COL9A3: variants seen among roughly 807,000 people sequenced by gnomAD.
The protein encoded by COL9A3 is collagen alpha-3(IX) chain.
Under a neutral mutation model 110.2 loss-of-function variants are expected in COL9A3, and 82 were observed. The ratio of observed to expected loss-of-function variants is 0.74; its 90% confidence interval spans 0.62 to 0.89. The LOEUF (loss-of-function observed/expected upper bound fraction) is 0.89, where lower values mean the gene tolerates loss of function less well. COL9A3 is among the 40% of genes least tolerant of loss of function. The pLI is 0.00. For missense variants in COL9A3, 1,066 were observed against 981.3 expected, an observed-to-expected ratio of 1.09 and a Z score of -1.15; for synonymous variants, 494 against 403.8, an observed-to-expected ratio of 1.22 and a Z score of -2.68.
intron 26 of COL9A3, 126 bp from the exon 27 acceptor site, chr20:62,835,795 T>C (rs2063630181): frequency 1.1e-6 from 1 of 939,048 alleles, no homozygotes. Flanking sequence ...AAGGAACCAC[T>C]GTCAATATTT....
At position 62,836,518 on chromosome 20, in the gene COL9A3, G is replaced by T. The variant is rs753874454; in HGVS notation, c.1589G>T (p.Gly530Val). ...ASEQRIRELC[G>V]GMISEQIAQL... is the part of the protein sequence containing the mutation. Reference sequence around the variant, plus strand: ...GAGCAGCGCATCAGGGAGCTGTGTGGGGGGATGATCAGCGGTAAGTCAGCC... The same window carrying T: ...GAGCAGCGCATCAGGGAGCTGTGTGTGGGGATGATCAGCGGTAAGTCAGCC... The change falls in exon 29 of 32, where the codon GGG (glycine) becomes GTG (valine). Residue 530 changes from glycine to valine, a missense_variant. Gly to Val is a moderately radical substitution (Grantham distance 109). Transcript: ENST00000649368. 1 of 1,612,394 alleles carries T rather than the reference G, an allele frequency of 6.2e-7. No homozygotes were observed. Among genetic ancestry groups the T allele is most frequent in the Non-Finnish European group, 8.5e-7 (1 of 1,179,308 alleles).
In COL9A3 at chr20:62,838,777, C is replaced by T; in HGVS notation, c.1864+16C>T. ...GGGCCCCAAGGTACGAGTCCACGGC[C>T]AGCAAGGCTTCACTGGGTGACATCT... On this transcript the variant is annotated intron_variant, in intron 31 of 31. Transcript: ENST00000649368. 6.5e-7 allele frequency: 1 copy of T among 1,548,920 alleles called. No individual in the cohort carries two copies. The highest frequency in any genetic ancestry group is 8.7e-7 in the Non-Finnish European group (1 of 1,144,760).
In COL9A3 at chr20:62,825,086, AGGGGCTGGGCTCCGGCGG is replaced by A. The variant is rs1568753330; in HGVS notation, c.630+67_630+84del. 135 of 630,684 alleles carry A rather than the reference AGGGGCTGGGCTCCGGCGG, an allele frequency of 2.1e-4. 12 individuals carry two copies. In the African/African-American group the frequency reaches 2.3e-3, roughly 11 times the overall value. 39.1% of individuals were successfully genotyped at this position (630,684 alleles called of 1,614,324 possible). A position where few individuals can be genotyped will look rare whatever the true frequency, so the allele number is the denominator to read the frequency against. Reference sequence around the variant, plus strand: ...TGGAGGCTGGGCTCCGGCGGGAGGGAGGGGCTGGGCTCCGGCGGGAGGGAGGGGCTGGGCTCCGGCGGG... The same window carrying A: ...TGGAGGCTGGGCTCCGGCGGGAGGGAGAGGGAGGGGCTGGGCTCCGGCGGG... On this transcript the variant is annotated intron_variant, in intron 12 of 31. Coordinates refer to ENST00000649368, the MANE Select transcript of COL9A3 (RefSeq NM_001853.4).
chr20:62,823,954 G>A (rs1215313184), intron 10 of COL9A3, among the ~76,000 whole-genome samples: 1 of 151,090 alleles, frequency 6.6e-6, no homozygotes, highest in African/African-American at 2.4e-5. Flanking sequence ...CTGTCCCAGT[G>A]CCATCACCTG....
chr20:62,829,686 G>A lies in COL9A3; in HGVS notation c.1107+5G>A. 6.2e-7 allele frequency: 1 copy of A among 1,607,900 alleles called. No homozygotes were observed. The highest frequency in any genetic ancestry group is 2.2e-5 in the East Asian group (1 of 44,644). On this transcript the variant is annotated splice_donor_5th_base_variant and intron_variant, in intron 21 of 31. Coordinates refer to ENST00000649368, the MANE Select transcript of COL9A3 (RefSeq NM_001853.4). ...TCTGGAGAGCCAGGCGTCCCTGTGA[G>A]TATCTGCGGCGCCCCAGACCCCTCC...
Position 62,840,645 on chromosome 20 carries a change from G to C in COL9A3, c.1968G>C (p.Gln656His). The part of the protein sequence containing the change: ...DPGLPGAIGA[Q>H]GTPGICDTSA... ...GGCTTCCAGGTGCCATTGGGGCCCA[G>C]GGGACACCGGGGATCTGCGACACCT... Residue 656 changes from glutamine to histidine, a missense_variant, in exon 32 of 32, where the codon CAG (glutamine) becomes CAC (histidine). Transcript: ENST00000649368. 1 of 1,609,990 alleles carries C rather than the reference G, an allele frequency of 6.2e-7. No homozygotes were observed. The highest frequency in any genetic ancestry group is 2.2e-5 in the East Asian group (1 of 44,706).
Position 62,829,664 on chromosome 20 carries a change from G to A in COL9A3, c.1090G>A (p.Gly364Arg). 6.2e-7 allele frequency: 1 copy of A among 1,609,518 alleles called. No homozygotes were observed. The part of the protein sequence containing the change: ...AGELGEAGPS[G>R]EPGVPGDAGM... ...GGAGCTGGGTGAGGCCGGCCCCTCTGGAGAGCCAGGCGTCCCTGTGAGTAT... is the reference window on the plus strand; with the variant it reads ...GGAGCTGGGTGAGGCCGGCCCCTCTAGAGAGCCAGGCGTCCCTGTGAGTAT... Residue 364 changes from glycine (G) to arginine (R), a missense_variant, in exon 21 of 32, where the codon GGA becomes AGA. Transcript: ENST00000649368.
chr20:62,826,364 G>A, intron 14 of COL9A3, 107 bp downstream of exon 14: 2 of 1,089,152 alleles, frequency 1.8e-6, no homozygotes, highest in East Asian at 2.6e-5. Flanking sequence ...GAAGCAGCCG[G>A]CACCCTGGCT....
At position 62,825,073 on chromosome 20, in the gene COL9A3, T is replaced by C; in HGVS notation, c.630+52T>C. On this transcript the variant is annotated intron_variant, in intron 12 of 31. Coordinates refer to ENST00000649368, the MANE Select transcript of COL9A3 (RefSeq NM_001853.4). ...AGGAGCTGGGGACTGGAGGCTGGGC[T>C]CCGGCGGGAGGGAGGGGCTGGGCTC... is the stretch of plus-strand genomic sequence containing the variant. 4 of 1,341,120 alleles carry C rather than the reference T, an allele frequency of 3.0e-6. No individual in the cohort carries two copies. In the South Asian group the frequency reaches 3.7e-5, roughly 12 times the overall value. 83.1% of individuals were successfully genotyped at this position (1,341,120 alleles called of 1,614,324 possible).
Position 62,826,276 on chromosome 20 carries a change from A to C in COL9A3, c.738+19A>C. ...GGACCGGGTAAGTCCTGCAGCCCCTAGTGGGGGCCGGCCAGGTGGCTGGGG... is the reference window on the plus strand; with the variant it reads ...GGACCGGGTAAGTCCTGCAGCCCCTCGTGGGGGCCGGCCAGGTGGCTGGGG... On this transcript the variant is annotated intron_variant, in intron 14 of 31. Coordinates refer to ENST00000649368, the MANE Select transcript of COL9A3 (RefSeq NM_001853.4). 1 of 1,546,652 alleles carries C rather than the reference A, an allele frequency of 6.5e-7. No individual in the cohort carries two copies. The highest frequency in any genetic ancestry group is 8.7e-7 in the Non-Finnish European group (1 of 1,146,574).
At position 62,838,681 on chromosome 20, in the gene COL9A3, C is replaced by T; in HGVS notation, c.1787-3C>T. 1 of 1,552,286 alleles carries T rather than the reference C, an allele frequency of 6.4e-7. No homozygotes were observed. The highest frequency in any genetic ancestry group is 8.7e-7 in the Non-Finnish European group (1 of 1,147,288). On this transcript the variant is annotated splice_polypyrimidine_tract_variant and splice_region_variant and intron_variant, in intron 30 of 31. Coordinates refer to ENST00000649368, the MANE Select transcript of COL9A3 (RefSeq NM_001853.4). ...ATATGTCTGTGTCCACACCTCGTGA[C>T]AGGAAACCAGGGTGACAGAGGAGAC...
intron 29 of COL9A3, 78 bp downstream of exon 29, chr20:62,836,610 C>A: frequency 1.4e-6 from 2 of 1,436,568 alleles, no homozygotes; most frequent in Non-Finnish European, 1.9e-6. Context: ...ACACAGAAAG[C>A]CTTCGTGCCA....
At chr20:62,832,977 A>T (rs372290223) in intron 25 of COL9A3, 43 bp from the exon 26 acceptor site, 1 of 1,587,930 alleles carries the variant, frequency 6.3e-7, no homozygotes, top group African/African-American at 1.3e-5. Flanking sequence ...GTCCCTACTC[A>T]TGCATGAACA....
chr20:62,822,474 C>T, intron 9 of COL9A3, 117 bp from the exon 10 acceptor site: 1 of 1,160,148 alleles, frequency 8.6e-7, no homozygotes. Context: ...TGAAGGGTCT[C>T]CAAGTCCCCT....
At position 62,838,148 on chromosome 20, in the gene COL9A3, G is replaced by C. The variant is rs151110706; in HGVS notation, c.1787-536G>C. 4.9e-3 allele frequency among the ~76,000 whole-genome samples: 742 copies of C among 152,366 alleles called. 5 individuals are homozygous for C. Among genetic ancestry groups the C allele is most frequent in the African/African-American group, 0.017 (714 of 41,588 alleles). On this transcript the variant is annotated intron_variant, in intron 30 of 31. Transcript: ENST00000649368. ...AACTAAAATCCCATTTAAATTGGCT[G>C]CCAGAGGTCAGGGAGGTGGTTCAGC...
At position 62,822,126 on chromosome 20, in the gene COL9A3, C is replaced by T; in HGVS notation, c.439C>T (p.Pro147Ser). 1.3e-6 allele frequency: 2 copies of T among 1,584,424 alleles called. No homozygotes were observed. Among genetic ancestry groups the T allele is most frequent in the East Asian group, 2.2e-5 (1 of 44,738 alleles). ...LRGPPGPSGLPGLPGPPGPPG... is the reference protein window; with the variant it reads ...LRGPPGPSGLSGLPGPPGPPG... ...CCCTCCCCAGGGACCTTCTGGACTC[C>T]CCGGCCTCCCTGGTCCCCCAGGACC... Residue 147 changes from proline to serine, a missense_variant, in exon 9 of 32, where the codon CCC becomes TCC. Pro to Ser is a moderately conservative substitution (Grantham distance 74, BLOSUM62 -1). Transcript: ENST00000649368.
chr20:62,833,027 C>T lies in COL9A3; in HGVS notation c.1331C>T (p.Ala444Val). 5 of 1,613,728 alleles carry T rather than the reference C, an allele frequency of 3.1e-6. No individual in the cohort carries two copies. Among genetic ancestry groups the T allele is most frequent in the Non-Finnish European group, 4.2e-6 (5 of 1,179,694 alleles). Residue 444 changes from alanine to valine, a missense_variant, in exon 26 of 32, where the codon GCA becomes GTA. Transcript: ENST00000649368. ...AAGPKGDQGI[A>V]GSDGLPGDKG... is the part of the protein sequence containing the mutation. ...GGGGTGTATCGTTTTCAGGGTATTG[C>T]AGGTTCCGACGGTCTTCCTGGGGAT...
In COL9A3 at chr20:62,817,094, C is replaced by T. The variant is rs1242815629; in HGVS notation, c.30C>T (p.Leu10=). Residue 10 remains leucine (L), a synonymous_variant, in exon 1 of 32, where the codon CTC becomes CTT. Transcript: ENST00000649368. ...CCGGGCCGCGCGCGTGCGCCCCGCTCCTGCTCCTGCTCCTGCTCGGGGAGC... is the reference window on the plus strand; with the variant it reads ...CCGGGCCGCGCGCGTGCGCCCCGCTTCTGCTCCTGCTCCTGCTCGGGGAGC... The part of the protein sequence containing the change: MAGPRACAP[L]LLLLLLGELL... The T allele has an allele frequency of 1.4e-6, 2 of 1,392,964 alleles. No homozygotes were observed. Among genetic ancestry groups the T allele is most frequent in the East Asian group, 3.4e-5 (1 of 29,636 alleles). The allele number at this position is 1,392,964 out of a possible 1,614,324, so 86.3% of individuals were successfully genotyped here.
chr20:62,837,179 C>G lies in COL9A3; in HGVS notation c.1700C>G (p.Pro567Arg), dbSNP rs748114912. ...GPAGPPGPPG[P>R]PGSIGHPGAR... ...GCTGGCCCCCCTGGGCCCCCAGGAC[C>G]CCCAGGCTCCATTGGTCACCCTGGC... is the stretch of plus-strand genomic sequence containing the variant. The change falls in exon 30 of 32, where the codon CCC (proline) becomes CGC (arginine). Residue 567 changes from proline to arginine, a missense_variant. Coordinates refer to ENST00000649368, the MANE Select transcript of COL9A3 (RefSeq NM_001853.4). 2 of 1,612,900 alleles carry G rather than the reference C, an allele frequency of 1.2e-6. No individual in the cohort carries two copies. The highest frequency in any genetic ancestry group is 2.2e-5 in the South Asian group (2 of 91,060).
Sources: allele counts gnomAD v4.1 joint callset (sites outside exome capture counted in the v4.1 genomes callset), GRCh38; gene constraint gnomAD v4.1.1; transcripts MANE v1.5; gene names NCBI Gene and HGNC (gene_info 2026-07-23, HGNC 2026-07-21).